Variants in SCMH1 observed in about 807,000 individuals in gnomAD.
SCMH1 encodes the protein Scm polycomb group protein homolog 1, also known as polycomb protein SCMH1.
A neutral mutation model predicts 70.8 loss-of-function variants in SCMH1; 37 were observed. The ratio of observed to expected loss-of-function variants is 0.52; its 90% CI spans 0.40 to 0.69. SCMH1 has a LOEUF of 0.69. Among genes scored for constraint, SCMH1 ranks in the 30% least tolerant of loss-of-function variants. The probability of loss-of-function intolerance (pLI) is 0.00; values close to 1 mark genes in which losing one functional copy is unlikely to be tolerated. For missense variants in SCMH1, 607 were observed against 827.3 expected (o/e 0.73, Z 3.27); for synonymous variants, 292 against 307.4 (o/e 0.95, Z 0.52).
chr1:41,089,294 A>T (rs1409535925), intron 8 of SCMH1, among the ~76,000 whole-genome samples: 2 of 152,152 alleles, frequency 1.3e-5, no homozygotes, highest in Non-Finnish European at 2.9e-5. Flanking sequence ...TGAAGTTCTG[A>T]CTCACCTATC....
rs777786344 is a variant in SCMH1 at position 41,113,240 on chromosome 1, T to C, written c.745+43A>G. 3 of 1,594,480 alleles carry C rather than the reference T, an allele frequency of 1.9e-6. No individual in the cohort carries two copies. The South Asian group carries it at 3.4e-5, about 18-fold the overall frequency. ...TGACAGCCCTGGGTAGTCTCCCTTA[T>C]CATCTGGGTCCTGATTTCAAGAGCA... On this transcript the variant is annotated intron_variant, in intron 8 of 14. Transcript: ENST00000337495. The surrounding 1 kb of genome is among the most constrained non-coding windows in gnomAD (Gnocchi z 4.3).
rs535339454 is a variant in SCMH1 at position 41,195,999 on chromosome 1, TTAAC to T, written c.-117-9753_-117-9750del. ...AAGAATAAAATATTTAGGAATAAAT[TTAAC>T]TAACACGGCTAAAGACTTGTACACT... is the stretch of plus-strand genomic sequence containing the variant. On this transcript the variant is annotated intron_variant, in intron 1 of 14. Transcript: ENST00000337495. Among the ~76,000 whole-genome samples, 264 of 152,210 alleles carry T rather than the reference TTAAC, an allele frequency of 1.7e-3. 1 individual carries two copies. The highest frequency in any genetic ancestry group is 3.4e-3 in the Middle Eastern group (1 of 294).
chr1:41,044,927 A>G (rs969203758), intron 12 of SCMH1, among the ~76,000 whole-genome samples: 3 of 152,172 alleles, frequency 2.0e-5, no homozygotes. Context: ...CTTCTTAATG[A>G]TGGCATTCCA....
chr1:41,077,444 G>C (rs1358640863), intron 8 of SCMH1, among the ~76,000 whole-genome samples: 3 of 152,132 alleles, frequency 2.0e-5, no homozygotes. Context: ...GCTTTTAAAA[G>C]GCAGAATAAA....
intron 6 of SCMH1, among the ~76,000 whole-genome samples, chr1:41,120,641 C>A (rs75993950): frequency 0.059 from 9,022 of 152,174 alleles, 361 homozygotes; most frequent in South Asian, 0.12. Context: ...CCTTCAAATT[C>A]AAGTATATCC....
At position 41,074,797 on chromosome 1, in the gene SCMH1, A is replaced by T. The variant is rs1283986568; in HGVS notation, c.978+422T>A. Reference sequence around the variant, plus strand: ...GGAAATTCCTCTTATAAGATACACAAGATAGAGAAGAGGGCCAGATGTGCC... The same window carrying T: ...GGAAATTCCTCTTATAAGATACACATGATAGAGAAGAGGGCCAGATGTGCC... On this transcript the variant is annotated intron_variant, in intron 9 of 14. Transcript: ENST00000337495. 2.0e-5 allele frequency among the ~76,000 whole-genome samples: 3 copies of T among 152,218 alleles called. No homozygotes were observed. The East Asian group carries it at 5.8e-4, about 29-fold the overall frequency.
intron 5 of SCMH1, 58 bp from the exon 6 acceptor site, chr1:41,143,170 G>A (rs1439263447): frequency 2.0e-5 from 28 of 1,366,808 alleles, no homozygotes; most frequent in Non-Finnish European, 2.7e-5. Context: ...CAAAATTCAT[G>A]TTTTGGATTC....
At chr1:41,066,530 T>C (rs1654650012) in intron 10 of SCMH1, among the ~76,000 whole-genome samples, 1 of 152,138 alleles carries the variant, frequency 6.6e-6, no homozygotes, top group Non-Finnish European at 1.5e-5. Flanking sequence ...TTTTTCTAAG[T>C]GGAGGAGGTG....
chr1:41,147,562 C>G (rs933266358), intron 5 of SCMH1, among the ~76,000 whole-genome samples: 1 of 152,112 alleles, frequency 6.6e-6, no homozygotes, highest in Non-Finnish European at 1.5e-5. Context: ...CAAGTTAGTT[C>G]ATAGTGTTGT....
chr1:41,228,917 C>T (rs1237544694), intron 1 of SCMH1, among the ~76,000 whole-genome samples: 1 of 152,152 alleles, frequency 6.6e-6, no homozygotes, highest in Non-Finnish European at 1.5e-5. Flanking sequence ...ATGACAGAAG[C>T]TTGGACCAGG....
intron 6 of SCMH1, among the ~76,000 whole-genome samples, chr1:41,130,910 T>C (rs1018725116): frequency 9.2e-5 from 14 of 152,190 alleles, no homozygotes; most frequent in African/African-American, 3.1e-4. Flanking sequence ...TGAAGCTTTT[T>C]AGTTTTGATG....
chr1:41,075,104 C>T (rs1657853268), intron 9 of SCMH1, 115 bp downstream of exon 9: 15 of 933,672 alleles, frequency 1.6e-5, no homozygotes, highest in South Asian at 8.9e-5. Context: ...CCTCATGATC[C>T]GCCCGCCTCG....
rs1440551177 is a variant in SCMH1, at chr1:41,070,732, GA to G, written c.979-12del. The G allele has an allele frequency of 1.2e-6, 2 of 1,613,360 alleles. No homozygotes were observed. Among genetic ancestry groups the G allele is most frequent in the East Asian group, 4.5e-5 (2 of 44,862 alleles). On this transcript the variant is annotated splice_polypyrimidine_tract_variant and intron_variant, in intron 9 of 14. Transcript: ENST00000337495. Reference sequence around the variant, plus strand: ...AGTCCGAGGTTTCCTCTGTCAAAATGAATGGGAAAAAAATTGCTACCCATGA... The same window carrying G: ...AGTCCGAGGTTTCCTCTGTCAAAATGATGGGAAAAAAATTGCTACCCATGA...
chr1:41,083,724 A>T (rs376155643), intron 8 of SCMH1, among the ~76,000 whole-genome samples: 2 of 152,028 alleles, frequency 1.3e-5, no homozygotes, highest in Non-Finnish European at 2.9e-5. Flanking sequence ...GACTTCAAAC[A>T]ATACTACAAG....
chr1:41,028,987 G>A (rs938103135), intron 13 of SCMH1, among the ~76,000 whole-genome samples: 4 of 152,176 alleles, frequency 2.6e-5, no homozygotes, highest in African/African-American at 9.7e-5. Context: ...GCCCAAACCT[G>A]AGACAGTGGT....
chr1:41,165,149 C>T (rs145493094), intron 2 of SCMH1, among the ~76,000 whole-genome samples: 4 of 152,156 alleles, frequency 2.6e-5, no homozygotes, highest in East Asian at 1.9e-4. Context: ...TGATATTTGT[C>T]GTTCTGTAAC....
intron 8 of SCMH1, among the ~76,000 whole-genome samples, chr1:41,110,189 G>T (rs1419837168): frequency 6.6e-6 from 1 of 152,090 alleles, no homozygotes; most frequent in Non-Finnish European, 1.5e-5. Context: ...TTCTGCCCGA[G>T]GATCTCTCCA....
intron 9 of SCMH1, among the ~76,000 whole-genome samples, chr1:41,072,310 C>T (rs1656817008): frequency 6.6e-6 from 1 of 152,202 alleles, no homozygotes; most frequent in Non-Finnish European, 1.5e-5. Context: ...GGTAGGATTT[C>T]ACAGGGTTCC....
In SCMH1 at chr1:41,068,362, G is replaced by A. The variant is rs141688933; in HGVS notation, c.1105+2233C>T. ...CAAAAACTGAATAAACAGGTATGAC[G>A]GGAGTGAATAGAGAAAAAGAAGTGA... On this transcript the variant is annotated intron_variant, in intron 10 of 14. Coordinates refer to ENST00000337495, the Ensembl canonical transcript of SCMH1. 6.7e-3 allele frequency among the ~76,000 whole-genome samples: 1,013 copies of A among 152,220 alleles called. 12 individuals are homozygous for A. The highest frequency in any genetic ancestry group is 8.5e-3 in the Non-Finnish European group (581 of 67,996).
Sources: gnomAD v4.1 joint callset for allele counts (sites outside exome capture counted in the v4.1 genomes callset) on GRCh38, gnomAD v4.1.1 for gene constraint, Gnocchi (gnomAD v3.1) non-coding constraint, MANE v1.5 for transcripts, NCBI Gene and HGNC (gene_info 2026-07-23, HGNC 2026-07-21) for gene names.